Variants in CHD2 observed in about 807,000 individuals in gnomAD.
CHD2 encodes the protein chromodomain helicase DNA binding protein 2, also known as ATP-dependent chromatin remodeler CHD2.
CHD2 carries 28 observed loss-of-function variants against 243.9 expected under a neutral mutation model. The ratio of observed to expected loss-of-function variants is 0.11; its 90% CI spans 0.09 to 0.16. CHD2 has a LOEUF of 0.16. Ranked by LOEUF, CHD2 falls within the 10% of genes least tolerant of loss-of-function variation. The pLI is 1.00. For missense variants in CHD2, 1,386 were observed against 2,209.8 expected (o/e 0.63, Z 7.47); for synonymous variants, 775 against 779.0 (o/e 0.99, Z 0.09).
chr15:93,000,570 A>G lies in CHD2; in HGVS notation c.4067A>G (p.Lys1356Arg), dbSNP rs758660436. Residue 1356 changes from lysine (K) to arginine (R), a missense_variant, in exon 32 of 39, where the codon AAA (lysine) becomes AGA (arginine). Lys to Arg is a conservative substitution (Grantham distance 26). Coordinates refer to ENST00000394196, the MANE Select transcript of CHD2 (RefSeq NM_001271.4). ...VKKENKVPRLKEEHGIELSSP... is the reference protein window; with the variant it reads ...VKKENKVPRLREEHGIELSSP... ...AAGGAAAACAAAGTGCCCAGGCTGAAAGAGGAGCATGGAATTGAGCTTTCA... is the reference window on the plus strand; with the variant it reads ...AAGGAAAACAAAGTGCCCAGGCTGAGAGAGGAGCATGGAATTGAGCTTTCA... 7 of 1,613,762 alleles carry G rather than the reference A, an allele frequency of 4.3e-6. No individual in the cohort carries two copies. The East Asian group carries it at 1.3e-4, about 31-fold the overall frequency.
chr15:93,004,261 G>A (rs2054292877), intron 33 of CHD2, among the ~76,000 whole-genome samples: 1 of 152,098 alleles, frequency 6.6e-6, no homozygotes, highest in Admixed American at 6.5e-5. Flanking sequence ...AGGGTATGCT[G>A]TTAATAAAGG....
chr15:92,999,197 TC>T (rs1001404573), intron 31 of CHD2, among the ~76,000 whole-genome samples: 8 of 150,912 alleles, frequency 5.3e-5, no homozygotes, highest in African/African-American at 2.0e-4. Context: ...CATCCTCTGC[TC>T]CCCAGTCCCA....
Position 93,024,752 on chromosome 15 carries a change from A to G in CHD2, c.*47A>G. 6.6e-7 allele frequency: 1 copy of G among 1,518,624 alleles called. No homozygotes were observed. The highest frequency in any genetic ancestry group is 1.3e-5 in the South Asian group (1 of 79,028). The allele number at this position is 1,518,624 out of a possible 1,614,324, so 94.1% of individuals were successfully genotyped here. A position where few individuals can be genotyped will look rare whatever the true frequency, so the allele number is the denominator to read the frequency against. On this transcript the variant is annotated 3_prime_UTR_variant, in exon 39 of 39. Coordinates refer to ENST00000394196, the MANE Select transcript of CHD2 (RefSeq NM_001271.4). ...AGTAAGAGTCACCAAACACGTGGATATTTTTGGTCTGATCCTACAGTAGCC... is the reference window on the plus strand; with the variant it reads ...AGTAAGAGTCACCAAACACGTGGATGTTTTTGGTCTGATCCTACAGTAGCC...
At chr15:92,929,615 A>G (rs180723761) in intron 5 of CHD2, among the ~76,000 whole-genome samples, 4 of 152,250 alleles carry the variant, frequency 2.6e-5, no homozygotes. Flanking sequence ...TTATATGTTG[A>G]TTTTTTAATT....
At chr15:93,015,506 C>T (rs2054448420) in intron 37 of CHD2, among the ~76,000 whole-genome samples, 1 of 151,936 alleles carries the variant, frequency 6.6e-6, no homozygotes, top group Non-Finnish European at 1.5e-5. Context: ...CTTGAAAGAG[C>T]TCTTGTAAAT....
chr15:92,958,715 A>G (rs2053646929), intron 16 of CHD2, among the ~76,000 whole-genome samples: 1 of 152,260 alleles, frequency 6.6e-6, no homozygotes, highest in Non-Finnish European at 1.5e-5. Context: ...AAAGCAATAC[A>G]CTTTCAGTAG....
Position 92,915,064 on chromosome 15 carries a change from C to A in CHD2, c.63-9257C>A, listed in dbSNP as rs76775441. On this transcript the variant is annotated intron_variant, in intron 2 of 38. Coordinates refer to ENST00000394196, the MANE Select transcript of CHD2 (RefSeq NM_001271.4). ...CTATTTTGGTTTGGTCTGTTAGGGT[C>A]TAGGAGCTCGGTCCAAATTAGTGGC... is the stretch of plus-strand genomic sequence containing the variant. 744 of 152,186 alleles carry A rather than the reference C, an allele frequency of 4.9e-3. 7 individuals are homozygous for A. Among genetic ancestry groups the A allele is most frequent in the African/African-American group, 0.017 (724 of 41,486 alleles). 9.4% of individuals were successfully genotyped at this position (152,186 alleles called of 1,614,324 possible).
chr15:92,917,032 C>T (rs908491241), intron 2 of CHD2, among the ~76,000 whole-genome samples: 4 of 152,104 alleles, frequency 2.6e-5, no homozygotes, highest in Admixed American at 6.5e-5. Flanking sequence ...TCCGTAATTG[C>T]GTATCCATTT....
rs576979202 is a variant in CHD2, at chr15:92,927,588, TTTAAG to T, written c.381+261_381+265del. ...GAACTGACCTCAAAATGGTTTATTT[TTTAAG>T]TTGTCTCTCATAGTGAAAATTGATT... is the stretch of plus-strand genomic sequence containing the variant. On this transcript the variant is annotated intron_variant, in intron 4 of 38. Coordinates refer to ENST00000394196, the MANE Select transcript of CHD2 (RefSeq NM_001271.4). Among the ~76,000 whole-genome samples the T allele has an allele frequency of 4.8e-3, 734 of 152,326 alleles. 3 individuals are homozygous for T. The highest frequency in any genetic ancestry group is 7.8e-3 in the Non-Finnish European group (533 of 68,018).
At chr15:92,957,663 T>A (rs186911127) in intron 16 of CHD2, among the ~76,000 whole-genome samples, 112 of 152,116 alleles carry the variant, frequency 7.4e-4, no homozygotes, top group Middle Eastern at 3.4e-3. Flanking sequence ...TTTTTTTTTT[T>A]AATTCAGGAT....
chr15:92,926,838 G>A (rs974381897), intron 3 of CHD2, among the ~76,000 whole-genome samples: 3 of 152,154 alleles, frequency 2.0e-5, no homozygotes, highest in Non-Finnish European at 2.9e-5. Flanking sequence ...ACTTAATGGG[G>A]GCTTTGCCGC....
chr15:93,006,568 T>C (rs931330403), intron 34 of CHD2, among the ~76,000 whole-genome samples: 16 of 152,246 alleles, frequency 1.1e-4, no homozygotes, highest in Non-Finnish European at 1.9e-4. Context: ...TTATGTGCTT[T>C]ATATATATTT....
At chr15:92,928,658 TC>T (rs2053110156) in intron 4 of CHD2, among the ~76,000 whole-genome samples, 1 of 152,212 alleles carries the variant, frequency 6.6e-6, no homozygotes, top group South Asian at 2.1e-4. Context: ...AAATAAAACT[TC>T]CATTTCTCAG....
chr15:92,924,292 T>G, intron 2 of CHD2, 29 bp from the exon 3 acceptor site: 1 of 1,594,592 alleles, frequency 6.3e-7, no homozygotes, highest in Non-Finnish European at 8.6e-7. Flanking sequence ...TCTTAAATAT[T>G]TTTAAATCTC....
intron 16 of CHD2, among the ~76,000 whole-genome samples, chr15:92,967,025 C>A (rs2053774428): frequency 6.6e-6 from 1 of 152,090 alleles, no homozygotes; most frequent in Admixed American, 6.5e-5. Context: ...TCCATCTTAC[C>A]AGAGGGCATG....
At chr15:92,906,684 T>TA (rs2052628043) in intron 2 of CHD2, among the ~76,000 whole-genome samples, 1 of 115,810 alleles carries the variant, frequency 8.6e-6, no homozygotes, top group African/African-American at 3.2e-5. Context: ...TTTTTTTTTT[T>TA]AAGATCCTTT....
chr15:92,984,426 G>T lies in CHD2; in HGVS notation c.3163G>T (p.Val1055Leu), dbSNP rs1383508077. 6.2e-7 allele frequency: 1 copy of T among 1,612,938 alleles called. No individual in the cohort carries two copies. The highest frequency in any genetic ancestry group is 1.3e-5 in the African/African-American group (1 of 74,886). Residue 1055 changes from valine to leucine, a missense_variant, in exon 25 of 39, where the codon GTA becomes TTA. Coordinates refer to ENST00000394196, the MANE Select transcript of CHD2 (RefSeq NM_001271.4). ...CATTCCAGAGGAACAAAGGAAAAAAGTAGAGGAGGAAGAGCGGCAGAAGGA... is the reference window on the plus strand; with the variant it reads ...CATTCCAGAGGAACAAAGGAAAAAATTAGAGGAGGAAGAGCGGCAGAAGGA... ...EIIPEEQRKK[V>L]EEEERQKELE...
chr15:92,945,914 T>C, intron 11 of CHD2, 49 bp downstream of exon 11: 1 of 1,488,668 alleles, frequency 6.7e-7, no homozygotes. Context: ...TTCAGAACAG[T>C]GTATGTTTTG....
At chr15:92,913,726 C>T (rs902418977) in intron 2 of CHD2, among the ~76,000 whole-genome samples, 1 of 152,114 alleles carries the variant, frequency 6.6e-6, no homozygotes, top group Non-Finnish European at 1.5e-5. Context: ...GCAGTATGCA[C>T]CTATAGTCCC....
Sources: gnomAD v4.1 joint callset for allele counts (sites outside exome capture counted in the v4.1 genomes callset) on GRCh38, gnomAD v4.1.1 for gene constraint, MANE v1.5 for transcripts, NCBI Gene and HGNC (gene_info 2026-07-23, HGNC 2026-07-21) for gene names.